The following SLC35D4 variants were observed in gnomAD, a reference collection of about 807,000 sequenced individuals.
The protein encoded by SLC35D4 is solute carrier family 35 member D4, also known as UDP-N-acetylglucosamine transporter SLC35D4.
At chr18:23,358,915 AC>A in the SLC35D4 span, among the ~76,000 whole-genome samples, 1 of 152,100 alleles carries the variant, frequency 6.6e-6, no homozygotes, top group Non-Finnish European at 1.5e-5. Context: ...GTGCACGGCA[AC>A]CCAGGAACAG....
chr18:23,271,058 T>TC, the SLC35D4 span, among the ~76,000 whole-genome samples: 1 of 152,146 alleles, frequency 6.6e-6, no homozygotes, highest in Non-Finnish European at 1.5e-5. Flanking sequence ...GCTCCTATAA[T>TC]CCCCACATAT....
the SLC35D4 span, among the ~76,000 whole-genome samples, chr18:23,251,636 T>C: frequency 9.2e-5 from 14 of 152,184 alleles, no homozygotes; most frequent in South Asian, 2.9e-3. Flanking sequence ...ACTCCAAGGA[T>C]CCTTTAAGGA....
chr18:23,306,376 G>A, the SLC35D4 span, among the ~76,000 whole-genome samples: 3 of 151,800 alleles, frequency 2.0e-5, no homozygotes, highest in African/African-American at 4.8e-5. Context: ...GCGCGATCTC[G>A]GCTCACTGCA....
chr18:23,262,651 A>G, the SLC35D4 span, among the ~76,000 whole-genome samples: 6 of 152,376 alleles, frequency 3.9e-5, no homozygotes, highest in East Asian at 1.2e-3. Flanking sequence ...ATGAGCCTCA[A>G]TGTGGAAGCT....
the SLC35D4 span, among the ~76,000 whole-genome samples, chr18:23,262,624 G>C: frequency 6.6e-6 from 1 of 152,254 alleles, no homozygotes; most frequent in Non-Finnish European, 1.5e-5. Flanking sequence ...ACCAGGTGCC[G>C]TGAGGCTGTT....
the SLC35D4 span, among the ~76,000 whole-genome samples, chr18:23,311,883 T>G: frequency 6.6e-6 from 1 of 152,230 alleles, no homozygotes; most frequent in Non-Finnish European, 1.5e-5. Flanking sequence ...TTAGTCATTC[T>G]TTCCTTTTGC....
At chr18:23,437,758 G>C in the SLC35D4 span, 1 of 1,606,002 alleles carries the variant, frequency 6.2e-7, no homozygotes, top group Non-Finnish European at 8.5e-7. Context: ...TGCAATCGCT[G>C]CCTCCCGCGC....
chr18:23,283,373 C>A, the SLC35D4 span, among the ~76,000 whole-genome samples: 1 of 145,686 alleles, frequency 6.9e-6, no homozygotes, highest in Non-Finnish European at 1.5e-5. Flanking sequence ...ACTCAGGAGG[C>A]TGAGGTGGGA....
chr18:23,397,489 C>G, the SLC35D4 span, among the ~76,000 whole-genome samples: 36 of 152,170 alleles, frequency 2.4e-4, no homozygotes, highest in Admixed American at 2.1e-3. Flanking sequence ...AGATGGGGAG[C>G]AGAATTGAAA....
At chr18:23,322,300 G>A in the SLC35D4 span, among the ~76,000 whole-genome samples, 12 of 152,192 alleles carry the variant, frequency 7.9e-5, no homozygotes, top group Non-Finnish European at 5.9e-5. Context: ...TCCAGCCAGG[G>A]TTGAGTGTTT....
chr18:23,265,353 T>A, the SLC35D4 span, among the ~76,000 whole-genome samples: 1 of 152,032 alleles, frequency 6.6e-6, no homozygotes, highest in Non-Finnish European at 1.5e-5. Flanking sequence ...ACTCACTCAA[T>A]TTCTCCCAAT....
At chr18:23,286,957 A>T in the SLC35D4 span, among the ~76,000 whole-genome samples, 8 of 151,370 alleles carry the variant, frequency 5.3e-5, no homozygotes, top group Non-Finnish European at 1.2e-4. Flanking sequence ...CAAGTATAAG[A>T]TACCTCTACT....
the SLC35D4 span, among the ~76,000 whole-genome samples, chr18:23,428,074 C>T: frequency 1.3e-3 from 201 of 152,052 alleles, 4 homozygotes; most frequent in East Asian, 0.019. Context: ...ATGTAAATGA[C>T]GAGTTAATGG....
the SLC35D4 span, among the ~76,000 whole-genome samples, chr18:23,295,427 A>G: frequency 2.0e-5 from 3 of 152,106 alleles, no homozygotes. Flanking sequence ...GGCAGCTACT[A>G]TTATTTTTCC....
the SLC35D4 span, chr18:23,365,525 C>A: frequency 7.5e-7 from 1 of 1,333,328 alleles, no homozygotes; most frequent in Non-Finnish European, 1.0e-6. Context: ...TCTCAGTCAT[C>A]CTGGGGGGCA....
chr18:23,423,063 G>A, the SLC35D4 span, among the ~76,000 whole-genome samples: 4 of 152,116 alleles, frequency 2.6e-5, no homozygotes, highest in South Asian at 2.1e-4. Flanking sequence ...AAAGTCCTTC[G>A]GGACTTGCAC....
chr18:23,253,109 CCT>C, the SLC35D4 span: 1 of 1,063,608 alleles, frequency 9.4e-7, no homozygotes, highest in Non-Finnish European at 1.5e-6. Context: ...CCTGCAAACC[CCT>C]CTTTCCACAC....
At chr18:23,365,532 G>T in the SLC35D4 span, 2 of 1,372,994 alleles carry the variant, frequency 1.5e-6, no homozygotes. Context: ...CATCCTGGGG[G>T]GCAATGACAT....
the SLC35D4 span, among the ~76,000 whole-genome samples, chr18:23,313,739 G>A: frequency 6.6e-6 from 1 of 152,304 alleles, no homozygotes; most frequent in Admixed American, 6.5e-5. Context: ...TATTAGCACT[G>A]AGGATGGAAC....
Sources: allele counts gnomAD v4.1 joint callset (sites outside exome capture counted in the v4.1 genomes callset), GRCh38; gene constraint gnomAD v4.1.1; transcripts MANE v1.5; gene names NCBI Gene and HGNC (gene_info 2026-07-23, HGNC 2026-07-21).